Variants in SLC18B1 observed in about 807,000 individuals in gnomAD.
The protein encoded by SLC18B1 is MFS-type transporter SLC18B1.
In SLC18B1, 62 loss-of-function variants were observed where a neutral mutation model predicts 53.9. The ratio of observed to expected loss-of-function variants is 1.15; its 90% CI spans 0.94 to 1.42. The LOEUF is 1.42. Among genes scored for constraint, SLC18B1 ranks in the 40% most tolerant of loss-of-function variants. The pLI is 0.00. For missense variants in SLC18B1, 598 were observed against 547.3 expected (o/e 1.09, Z -0.93); for synonymous variants, 217 against 200.9 (o/e 1.08, Z -0.68).
In SLC18B1 at chr6:132,796,880, G is replaced by T. The variant is rs1254886262; in HGVS notation, c.183+102C>A. On this transcript the variant is annotated intron_variant, in intron 2 of 13. Coordinates refer to ENST00000275227, the MANE Select transcript of SLC18B1 (RefSeq NM_052831.3). ...CTATACACCATCTGTCCTATATGCA[G>T]ATTTTTACATTTTATATACTATAAA... 8 of 1,303,786 alleles carry T rather than the reference G, an allele frequency of 6.1e-6. No individual in the cohort carries two copies. In the South Asian group the frequency reaches 8.5e-5, roughly 14 times the overall value. The allele number at this position is 1,303,786 out of a possible 1,614,324, so 80.8% of individuals were successfully genotyped here.
chr6:132,793,358 C>G (rs1032733266), intron 2 of SLC18B1, among the ~76,000 whole-genome samples: 1 of 152,004 alleles, frequency 6.6e-6, no homozygotes, highest in Admixed American at 6.5e-5. Context: ...AAAATCAAAG[C>G]CTTCTCTTCA....
intron 5 of SLC18B1, among the ~76,000 whole-genome samples, chr6:132,786,131 G>A (rs892558325): frequency 3.3e-5 from 5 of 151,960 alleles, no homozygotes; most frequent in Non-Finnish European, 4.4e-5. Context: ...CAACAGACGG[G>A]TGTTCTTCTG....
At position 132,774,210 on chromosome 6, in the gene SLC18B1, G is replaced by A; in HGVS notation, c.989+12C>T. 1.3e-6 allele frequency: 2 copies of A among 1,579,082 alleles called. No individual in the cohort carries two copies. The highest frequency in any genetic ancestry group is 1.7e-6 in the Non-Finnish European group (2 of 1,163,266). ...TTATTTGGCCAAACATACAGAAGAA[G>A]AAAAAAATTACCTTTTAATATGCAA... On this transcript the variant is annotated intron_variant, in intron 9 of 13. Transcript: ENST00000275227.
At chr6:132,795,262 C>A (rs973879611) in intron 2 of SLC18B1, among the ~76,000 whole-genome samples, 7 of 151,750 alleles carry the variant, frequency 4.6e-5, no homozygotes, top group Non-Finnish European at 1.0e-4. Flanking sequence ...TTTTTTCACT[C>A]CCAAAGGGCA....
Position 132,770,273 on chromosome 6 carries a change from G to A in SLC18B1, c.1368C>T (p.Thr456=). The change falls in exon 14 of 14, where the codon ACC becomes ACT. Residue 456 remains threonine, a synonymous_variant. Transcript: ENST00000275227. ...EERTTLLPNE[T] ...TATCAATCCAGGATCCATCGGACTA[G>A]GTTTCATTAGGCAAGAGAGTAGTTC... 1 of 1,612,390 alleles carries A rather than the reference G, an allele frequency of 6.2e-7. No individual in the cohort carries two copies. The highest frequency in any genetic ancestry group is 8.5e-7 in the Non-Finnish European group (1 of 1,178,438).
At chr6:132,787,355 G>T in intron 5 of SLC18B1, 79 bp downstream of exon 5, 1 of 1,363,870 alleles carries the variant, frequency 7.3e-7, no homozygotes, top group Non-Finnish European at 9.8e-7. Flanking sequence ...TAGAAGAATG[G>T]ACCCCAGCTT....
chr6:132,791,187 C>A (rs1781515458), intron 2 of SLC18B1, among the ~76,000 whole-genome samples: 1 of 152,168 alleles, frequency 6.6e-6, no homozygotes, highest in East Asian at 1.9e-4. Context: ...CCCGAACTGT[C>A]ATATATTGAC....
At chr6:132,783,635 G>T (rs1484700731) in intron 6 of SLC18B1, among the ~76,000 whole-genome samples, 1 of 152,178 alleles carries the variant, frequency 6.6e-6, no homozygotes, top group African/African-American at 2.4e-5. Context: ...GGCCATATGT[G>T]GCCCACAGAA....
intron 6 of SLC18B1, among the ~76,000 whole-genome samples, chr6:132,782,262 G>T (rs112087421): frequency 6.6e-6 from 1 of 150,796 alleles, no homozygotes; most frequent in Non-Finnish European, 1.5e-5. Context: ...ATGGATTTAT[G>T]AATTTTTTAT....
At chr6:132,780,599 G>GTT (rs1176491208) in intron 6 of SLC18B1, among the ~76,000 whole-genome samples, 1 of 64,686 alleles carries the variant, frequency 1.5e-5, no homozygotes, top group African/African-American at 8.4e-5. Context: ...TGAGACAGTA[G>GTT]TTTTTTTTTT....
chr6:132,795,237 C>A lies in SLC18B1; in HGVS notation c.183+1745G>T, dbSNP rs150478364. On this transcript the variant is annotated intron_variant, in intron 2 of 13. Coordinates refer to ENST00000275227, the MANE Select transcript of SLC18B1 (RefSeq NM_052831.3). ...TAAGGGATATCCAAATTATTGGAACCTTTTTTTTCCCATATTTTTTCACTC... is the reference window on the plus strand; with the variant it reads ...TAAGGGATATCCAAATTATTGGAACATTTTTTTTCCCATATTTTTTCACTC... 4.8e-3 allele frequency among the ~76,000 whole-genome samples: 726 copies of A among 151,602 alleles called. 2 individuals carry two copies. The highest frequency in any genetic ancestry group is 0.017 in the African/African-American group (698 of 41,374).
chr6:132,773,479 G>A (rs1470116897), intron 9 of SLC18B1, among the ~76,000 whole-genome samples: 2 of 152,196 alleles, frequency 1.3e-5, no homozygotes, highest in African/African-American at 4.8e-5. Context: ...GGCATAGAAG[G>A]AAAGAGGTAA....
At position 132,793,749 on chromosome 6, in the gene SLC18B1, C is replaced by G. The variant is rs569426659; in HGVS notation, c.183+3233G>C. ...CTATAACCAGATGTACTCTTACACC[C>G]AAACTTTGATGTGACCGTGCATGTA... On this transcript the variant is annotated intron_variant, in intron 2 of 13. Transcript: ENST00000275227. 4.6e-5 allele frequency among the ~76,000 whole-genome samples: 7 copies of G among 152,326 alleles called. No individual in the cohort carries two copies. The East Asian group carries it at 1.2e-3, about 25-fold the overall frequency.
chr6:132,771,490 G>A (rs555551371), intron 11 of SLC18B1, among the ~76,000 whole-genome samples: 2 of 152,066 alleles, frequency 1.3e-5, no homozygotes, highest in South Asian at 2.1e-4. Context: ...TACCCTTCTG[G>A]TAGAAGGTAA....
chr6:132,797,048 C>T lies in SLC18B1; in HGVS notation c.117G>A (p.Ser39=), dbSNP rs777524903. Residue 39 remains serine, a synonymous_variant, in exon 2 of 14, where the codon TCG becomes TCA. Coordinates refer to ENST00000275227, the MANE Select transcript of SLC18B1 (RefSeq NM_052831.3). ...LSREQVFVLI[S]AASVNLGSMM... Reference sequence around the variant, plus strand: ...TGGAACCTAAGTTCACCGAAGCTGCCGATATCAGTACAAAAACCTGTTCTC... The same window carrying T: ...TGGAACCTAAGTTCACCGAAGCTGCTGATATCAGTACAAAAACCTGTTCTC... The T allele has an allele frequency of 8.7e-6, 14 of 1,614,118 alleles. No homozygotes were observed. The highest frequency in any genetic ancestry group is 1.1e-5 in the Non-Finnish European group (13 of 1,180,012).
rs1470482176 is a variant in SLC18B1 at position 132,776,341 on chromosome 6, C to T, written c.884G>A (p.Ser295Asn). The T allele has an allele frequency of 6.2e-7, 1 of 1,613,040 alleles. No individual in the cohort carries two copies. The highest frequency in any genetic ancestry group is 1.3e-5 in the African/African-American group (1 of 74,990). ...AISSPLFGLL[S>N]DKRPPLRKWL... is the part of the protein sequence containing the mutation. The stretch of plus-strand genomic sequence containing the variant: ...AAGTGTACGTACTGGCCTTTTATCA[C>T]TTAGGAGACCAAATAGTGGTGAAGA... The change falls in exon 8 of 14, where the codon AGT becomes AAT. Residue 295 changes from serine (S) to asparagine (N), a missense_variant. Coordinates refer to ENST00000275227, the MANE Select transcript of SLC18B1 (RefSeq NM_052831.3).
intron 5 of SLC18B1, among the ~76,000 whole-genome samples, chr6:132,786,101 C>T (rs1160812901): frequency 6.6e-6 from 1 of 152,014 alleles, no homozygotes; most frequent in Non-Finnish European, 1.5e-5. Context: ...AACCATAAAC[C>T]CTTATCTTAA....
At chr6:132,788,684 A>G (rs1480369050) in intron 4 of SLC18B1, among the ~76,000 whole-genome samples, 2 of 152,020 alleles carry the variant, frequency 1.3e-5, no homozygotes, top group South Asian at 4.1e-4. Flanking sequence ...TTAGCTAAGC[A>G]TGGTGGTGAG....
intron 1 of SLC18B1, among the ~76,000 whole-genome samples, chr6:132,798,061 T>C (rs1032720400): frequency 6.6e-6 from 1 of 151,972 alleles, no homozygotes; most frequent in Non-Finnish European, 1.5e-5. Flanking sequence ...ATGTTTGTAG[T>C]AGATGAGAAA....
Sources: gnomAD v4.1 joint callset for allele counts (sites outside exome capture counted in the v4.1 genomes callset) on GRCh38, gnomAD v4.1.1 for gene constraint, MANE v1.5 for transcripts, NCBI Gene and HGNC (gene_info 2026-07-23, HGNC 2026-07-21) for gene names.